Variants in CTNNA3 observed in about 807,000 individuals in gnomAD.
CTNNA3 encodes the protein catenin alpha-3.
A neutral mutation model predicts 95.7 loss-of-function variants in CTNNA3; 76 were observed. The observed-to-expected ratio is 0.79, with a 90% CI of 0.66 to 0.96. The LOEUF (loss-of-function observed/expected upper bound fraction) is 0.96, where lower values mean the gene tolerates loss of function less well. Ranked by LOEUF, CTNNA3 falls within the 40% of genes least tolerant of loss-of-function variation. CTNNA3 has a pLI of 0.00. For missense variants in CTNNA3, 1,191 were observed against 1,089.8 expected, an observed-to-expected ratio of 1.09 and a Z score of -1.31; for synonymous variants, 431 against 374.4, an observed-to-expected ratio of 1.15 and a Z score of -1.74.
intron 12 of CTNNA3, among the ~76,000 whole-genome samples, chr10:66,295,022 A>T (rs1346747718): frequency 6.6e-6 from 1 of 152,194 alleles, no homozygotes; most frequent in Non-Finnish European, 1.5e-5. Context: ...GGAACTTGGT[A>T]GTCATAATTA....
At chr10:66,271,688 A>G (rs1026725091) in intron 13 of CTNNA3, among the ~76,000 whole-genome samples, 5 of 152,116 alleles carry the variant, frequency 3.3e-5, no homozygotes, top group Admixed American at 3.3e-4. Context: ...TTGAGTCAAA[A>G]GCTCTGAGCT....
chr10:67,476,498 C>T (rs1771205319), intron 5 of CTNNA3, among the ~76,000 whole-genome samples: 1 of 151,832 alleles, frequency 6.6e-6, no homozygotes, highest in African/African-American at 2.4e-5. Context: ...CTACCCCACC[C>T]TTCCTGCACA....
chr10:66,644,256 GTC>G (rs1845613680), intron 9 of CTNNA3, among the ~76,000 whole-genome samples: 6 of 130,250 alleles, frequency 4.6e-5, no homozygotes, highest in African/African-American at 1.9e-4. Context: ...AAGAGACTTG[GTC>G]TCTCTGTCTG....
intron 9 of CTNNA3, among the ~76,000 whole-genome samples, chr10:66,690,429 C>G (rs1847478154): frequency 6.6e-6 from 1 of 151,706 alleles, no homozygotes; most frequent in Admixed American, 6.6e-5. Flanking sequence ...CACCCATTAA[C>G]TCGTCATTTA....
At chr10:67,549,008 T>C (rs1840931052) in intron 3 of CTNNA3, among the ~76,000 whole-genome samples, 2 of 152,152 alleles carry the variant, frequency 1.3e-5, no homozygotes, top group South Asian at 4.1e-4. Context: ...TAAAATGACA[T>C]TCTATCATAA....
chr10:66,520,367 T>G (rs2132019889), intron 11 of CTNNA3, among the ~76,000 whole-genome samples: 1 of 146,892 alleles, frequency 6.8e-6, no homozygotes, highest in Non-Finnish European at 1.5e-5. Flanking sequence ...TTCTCCTGCC[T>G]CAGCCTCCTG....
At chr10:66,134,853 A>G (rs2083276104) in intron 13 of CTNNA3, among the ~76,000 whole-genome samples, 1 of 46,496 alleles carries the variant, frequency 2.2e-5, no homozygotes, top group African/African-American at 9.9e-5. Flanking sequence ...TTAACAGAGA[A>G]AAACAAAGAT....
At chr10:66,803,712 T>G (rs1841525044) in intron 7 of CTNNA3, among the ~76,000 whole-genome samples, 1 of 152,084 alleles carries the variant, frequency 6.6e-6, no homozygotes, top group South Asian at 2.1e-4. Context: ...TAGAGAAGTT[T>G]ATTGCCCATC....
chr10:66,907,005 TA>T (rs1475187520), intron 7 of CTNNA3, among the ~76,000 whole-genome samples: 1 of 152,110 alleles, frequency 6.6e-6, no homozygotes, highest in Admixed American at 6.5e-5. Context: ...TAAAAAACAT[TA>T]AAATATAGAA....
chr10:66,292,039 C>T (rs1016503251), intron 12 of CTNNA3, among the ~76,000 whole-genome samples: 4 of 151,346 alleles, frequency 2.6e-5, no homozygotes, highest in African/African-American at 9.7e-5. Context: ...CATGTATACA[C>T]ACACCAAATT....
rs145104635 is a variant in CTNNA3 at position 67,092,142 on chromosome 10, T to C, written c.1047+88175A>G. Among the ~76,000 whole-genome samples, 379 of 152,154 alleles carry C rather than the reference T, an allele frequency of 2.5e-3. 4 individuals are homozygous for C. Among genetic ancestry groups the C allele is most frequent in the African/African-American group, 8.0e-3 (333 of 41,552 alleles). On this transcript the variant is annotated intron_variant, in intron 7 of 17. Transcript: ENST00000433211. ...TCATTAAGAAGTCTGTTTCTTTCAC[T>C]GTATGCAGATGATCAAAAATGATAT...
At chr10:66,629,660 C>T (rs961745679) in intron 9 of CTNNA3, among the ~76,000 whole-genome samples, 6 of 152,108 alleles carry the variant, frequency 3.9e-5, no homozygotes, top group African/African-American at 1.4e-4. Flanking sequence ...ACATCATACC[C>T]CCATCCCTAC....
intron 5 of CTNNA3, among the ~76,000 whole-genome samples, chr10:67,419,486 G>A (rs895190727): frequency 2.7e-4 from 41 of 151,962 alleles, no homozygotes; most frequent in African/African-American, 9.9e-4. Flanking sequence ...GTGCCTGATA[G>A]GTAGCTTTTT....
chr10:67,596,140 T>A (rs890586945), intron 3 of CTNNA3, among the ~76,000 whole-genome samples: 3 of 152,232 alleles, frequency 2.0e-5, no homozygotes, highest in African/African-American at 7.2e-5. Context: ...ATGGTTAACA[T>A]TGATATGTGC....
intron 13 of CTNNA3, among the ~76,000 whole-genome samples, chr10:66,159,729 T>A (rs1308416532): frequency 6.6e-6 from 1 of 151,664 alleles, no homozygotes; most frequent in African/African-American, 2.4e-5. Context: ...CTCTGTCTTG[T>A]GAATTAGTGT....
Position 66,124,780 on chromosome 10 carries a change from C to T in CTNNA3, c.1885-21531G>A, listed in dbSNP as rs150031864. Among the ~76,000 whole-genome samples, 200 of 152,254 alleles carry T rather than the reference C, an allele frequency of 1.3e-3. 1 individual carries two copies. Among genetic ancestry groups the T allele is most frequent in the African/African-American group, 4.4e-3 (183 of 41,542 alleles). On this transcript the variant is annotated intron_variant, in intron 13 of 17. Coordinates refer to ENST00000433211, the MANE Select transcript of CTNNA3 (RefSeq NM_013266.4). ...GGGAAACTCCTCTTTTTAAAACCAT[C>T]AGATCTCATGAGACTCATTCACTAT...
At chr10:66,868,710 C>CATT (rs1844281989) in intron 7 of CTNNA3, among the ~76,000 whole-genome samples, 2 of 149,850 alleles carry the variant, frequency 1.3e-5, no homozygotes, top group Admixed American at 1.3e-4. Flanking sequence ...AGTATCAAAC[C>CATT]ATTGCACTCC....
intron 13 of CTNNA3, among the ~76,000 whole-genome samples, chr10:66,136,816 G>T (rs1038249334): frequency 4.0e-5 from 6 of 151,860 alleles, no homozygotes; most frequent in African/African-American, 1.5e-4. Context: ...CTTATTATTT[G>T]TGAGTTCACA....
intron 10 of CTNNA3, among the ~76,000 whole-genome samples, chr10:66,602,069 A>G (rs1843947467): frequency 6.6e-6 from 1 of 151,984 alleles, no homozygotes; most frequent in South Asian, 2.1e-4. Flanking sequence ...TCTTGATTGT[A>G]GTACAAGGAA....
Sources: allele counts gnomAD v4.1 joint callset (sites outside exome capture counted in the v4.1 genomes callset), GRCh38; gene constraint gnomAD v4.1.1; transcripts MANE v1.5; gene names NCBI Gene and HGNC (gene_info 2026-07-23, HGNC 2026-07-21).